The following CUX1 variants were observed in gnomAD, a reference collection of about 807,000 sequenced individuals.
CUX1 encodes the protein protein CASP.
In CUX1, 31 loss-of-function variants were observed where a neutral mutation model predicts 158.8. The observed-to-expected ratio is 0.20, with a 90% confidence interval of 0.15 to 0.26. The LOEUF is 0.26. Among genes scored for constraint, CUX1 ranks in the 10% least tolerant of loss-of-function variants. CUX1 has a pLI of 1.00. For missense variants in CUX1, 1,589 were observed against 2,014.6 expected, an observed-to-expected ratio of 0.79 and a Z score of 4.04; for synonymous variants, 879 against 862.1, an observed-to-expected ratio of 1.02 and a Z score of -0.34.
At chr7:102,063,391 T>C (rs1259511907) in intron 3 of CUX1, among the ~76,000 whole-genome samples, 8 of 138,926 alleles carry the variant, frequency 5.8e-5, no homozygotes, top group South Asian at 2.5e-4. Flanking sequence ...TTCTTTTTTT[T>C]TTTTTTTTTT....
chr7:102,217,242 A>G (rs1268743744), intron 20 of CUX1, among the ~76,000 whole-genome samples: 2 of 152,236 alleles, frequency 1.3e-5, no homozygotes, highest in Non-Finnish European at 2.9e-5. Context: ...TAATTTAAGC[A>G]GGGTTTTTAA....
chr7:102,256,975 C>T lies in CUX1; in HGVS notation c.*7933C>T. 10 of 985,422 alleles carry T rather than the reference C, an allele frequency of 1.0e-5. No individual in the cohort carries two copies. The highest frequency in any genetic ancestry group is 1.2e-5 in the Non-Finnish European group (10 of 829,948). 61.0% of individuals were successfully genotyped at this position (985,422 alleles called of 1,614,324 possible). The stretch of plus-strand genomic sequence containing the variant: ...GAGGGCTCACCTAGGAGATCATAGG[C>T]AGAGGGCCCCTTTCCCCTATAGGTG... On this transcript the variant is annotated 3_prime_UTR_variant, in exon 24 of 24. Coordinates refer to ENST00000292535, the MANE Select transcript of CUX1 (RefSeq NM_181552.4).
At chr7:102,183,099 G>A (rs1793276243) in intron 11 of CUX1, among the ~76,000 whole-genome samples, 1 of 151,996 alleles carries the variant, frequency 6.6e-6, no homozygotes, top group African/African-American at 2.4e-5. Context: ...TAAAAGAGGT[G>A]GTATAAAACC....
chr7:102,052,749 T>A (rs2130129143), intron 3 of CUX1, among the ~76,000 whole-genome samples: 1 of 152,330 alleles, frequency 6.6e-6, no homozygotes, highest in East Asian at 1.9e-4. Context: ...AATTTTACAT[T>A]TCTGTCAGCA....
chr7:102,263,461 A>T (rs1397643883), intron 14 of CUX1, among the ~76,000 whole-genome samples: 2 of 150,694 alleles, frequency 1.3e-5, no homozygotes, highest in African/African-American at 4.9e-5. Flanking sequence ...CTACAGGTGC[A>T]CACTGCCATG....
At chr7:102,260,570 CTTTTT>C (rs55642237), downstream of CUX1, among the ~76,000 whole-genome samples, 107 of 51,050 alleles carry the variant, frequency 2.1e-3, no homozygotes, top group African/African-American at 4.7e-3. Flanking sequence ...CCACACCTGG[CTTTTT>C]TTTTTTTTTT....
At chr7:102,279,776 T>C (rs1554548692) in intron 18 of CUX1, among the ~76,000 whole-genome samples, 1 of 152,190 alleles carries the variant, frequency 6.6e-6, no homozygotes, top group African/African-American at 2.4e-5. Context: ...CGCCCGGCCC[T>C]GCCTGGGCCT....
chr7:102,070,992 G>C (rs940055506), intron 4 of CUX1, among the ~76,000 whole-genome samples: 1 of 151,596 alleles, frequency 6.6e-6, no homozygotes, highest in Non-Finnish European at 1.5e-5. Context: ...GTCTCGCTCT[G>C]TCGCCCAGGC....
chr7:101,825,753 C>CTGTGTGTGTGTGTG (rs537662700), intron 1 of CUX1, among the ~76,000 whole-genome samples: 136 of 129,492 alleles, frequency 1.1e-3, no homozygotes, highest in East Asian at 2.0e-3. Context: ...TTAATGAAAT[C>CTGTGTGTGTGTGTG]TGTGTGTGTG....
chr7:101,878,887 G>C (rs1799432401), intron 1 of CUX1, among the ~76,000 whole-genome samples: 1 of 152,032 alleles, frequency 6.6e-6, no homozygotes, highest in African/African-American at 2.4e-5. Flanking sequence ...GGCCAGGCTG[G>C]TCTCAAACTC....
At chr7:101,836,067 G>A (rs945053314) in intron 1 of CUX1, among the ~76,000 whole-genome samples, 1 of 152,180 alleles carries the variant, frequency 6.6e-6, no homozygotes, top group Non-Finnish European at 1.5e-5. Context: ...AATTATGATC[G>A]ACTATAGTCA....
At chr7:102,162,952 G>T (rs1183060033) in intron 9 of CUX1, among the ~76,000 whole-genome samples, 1 of 152,164 alleles carries the variant, frequency 6.6e-6, no homozygotes, top group Non-Finnish European at 1.5e-5. Flanking sequence ...ATGAGATGGG[G>T]AATCACGCAC....
chr7:101,881,439 C>G (rs929315445), intron 1 of CUX1, among the ~76,000 whole-genome samples: 2 of 152,168 alleles, frequency 1.3e-5, no homozygotes, highest in African/African-American at 2.4e-5. Flanking sequence ...CTGGCAGGCC[C>G]GAGTTGTTTG....
chr7:102,145,496 A>G (rs932504889), intron 8 of CUX1, among the ~76,000 whole-genome samples: 2 of 152,168 alleles, frequency 1.3e-5, no homozygotes, highest in Non-Finnish European at 2.9e-5. Flanking sequence ...ATACACAATC[A>G]TAATGAATCC....
In CUX1 at chr7:101,891,925, T is replaced by G. The variant is rs58345874; in HGVS notation, c.31-24190T>G. Among the ~76,000 whole-genome samples, 1,333 of 152,364 alleles carry G rather than the reference T, an allele frequency of 8.7e-3. 20 individuals are homozygous for G. The highest frequency in any genetic ancestry group is 0.03 in the African/African-American group (1,227 of 41,590). On this transcript the variant is annotated intron_variant, in intron 1 of 23. Transcript: ENST00000292535. ...CTCCACTGTATAGTGTCAATAAGTG[T>G]TAAATGCAATGGTCTGTAAGACTTT...
At chr7:102,095,472 G>A (rs1207312900) in intron 4 of CUX1, among the ~76,000 whole-genome samples, 1 of 152,160 alleles carries the variant, frequency 6.6e-6, no homozygotes, top group African/African-American at 2.4e-5. Flanking sequence ...CTGTGTTGCT[G>A]TGAAACCCCA....
chr7:101,913,324 C>A, intron 1 of CUX1: 8 of 1,262,128 alleles, frequency 6.3e-6, no homozygotes, highest in South Asian at 3.8e-5. Flanking sequence ...TTTCCCATGC[C>A]GACCTGCATA....
At chr7:102,029,278 C>A (rs1820429382) in intron 3 of CUX1, among the ~76,000 whole-genome samples, 2 of 152,130 alleles carry the variant, frequency 1.3e-5, no homozygotes, top group South Asian at 4.1e-4. Context: ...CAGATGTGAG[C>A]CACTGTGCCT....
chr7:101,817,302 G>A, upstream of CUX1: 1 of 984,438 alleles, frequency 1.0e-6, no homozygotes, highest in South Asian at 4.7e-5. This position sits in a 1 kb window ranked among gnomAD's most constrained non-coding sequence, Gnocchi z 4.1. Context: ...CCTTCCTTGC[G>A]TCCCCTCGGG....
Sources: allele counts gnomAD v4.1 joint callset (sites outside exome capture counted in the v4.1 genomes callset), GRCh38; gene constraint gnomAD v4.1.1; non-coding constraint Gnocchi (gnomAD v3.1); transcripts MANE v1.5; gene names NCBI Gene and HGNC (gene_info 2026-07-23, HGNC 2026-07-21).